Variants in CNTNAP4 observed in about 807,000 individuals in gnomAD.
CNTNAP4 encodes contactin-associated protein-like 4.
A neutral mutation model predicts 148.4 loss-of-function variants in CNTNAP4; 98 were observed. The ratio of observed to expected loss-of-function variants is 0.66; its 90% CI spans 0.56 to 0.78. The LOEUF is 0.78. Ranked by LOEUF, CNTNAP4 falls within the 30% of genes least tolerant of loss-of-function variation. The probability of loss-of-function intolerance (pLI) is 0.00; values close to 1 mark genes in which losing one functional copy is unlikely to be tolerated. For synonymous variants in CNTNAP4, 730 were observed against 565.1 expected, an observed-to-expected ratio of 1.29 and a Z score of -4.14; for missense variants, 1,935 against 1,565.6, an observed-to-expected ratio of 1.24 and a Z score of -3.98.
chr16:76,450,542 G>C (rs1413982785), intron 7 of CNTNAP4, among the ~76,000 whole-genome samples: 1 of 152,170 alleles, frequency 6.6e-6, no homozygotes, highest in Non-Finnish European at 1.5e-5. Context: ...ATGTATATTA[G>C]GGAGACATTT....
chr16:76,401,590 A>C (rs975584789), intron 3 of CNTNAP4, among the ~76,000 whole-genome samples: 4 of 151,954 alleles, frequency 2.6e-5, no homozygotes, highest in Admixed American at 2.6e-4. Flanking sequence ...GTTGAACGAG[A>C]GTGGTGAGAG....
At chr16:76,539,392 G>T (rs563975832) in intron 19 of CNTNAP4, among the ~76,000 whole-genome samples, 63 of 152,130 alleles carry the variant, frequency 4.1e-4, no homozygotes, top group African/African-American at 1.4e-3. Context: ...GCAATATTAA[G>T]CAATAGGTTG....
chr16:76,407,273 G>A (rs1334637814), intron 3 of CNTNAP4, among the ~76,000 whole-genome samples: 1 of 152,070 alleles, frequency 6.6e-6, no homozygotes, highest in Admixed American at 6.6e-5. Context: ...GCCTGCCTTG[G>A]CCTCCCAAAG....
intron 3 of CNTNAP4, among the ~76,000 whole-genome samples, chr16:76,398,715 C>A (rs1230367312): frequency 6.6e-6 from 1 of 152,146 alleles, no homozygotes; most frequent in South Asian, 2.1e-4. Flanking sequence ...TGTGCCAACA[C>A]ATGATACTAT....
chr16:76,441,100 T>C (rs1287034998), intron 4 of CNTNAP4, among the ~76,000 whole-genome samples: 1 of 152,120 alleles, frequency 6.6e-6, no homozygotes, highest in East Asian at 1.9e-4. Context: ...CTGCATGTCT[T>C]AGAAATCATT....
In CNTNAP4 at chr16:76,479,505, C is replaced by T. The variant is rs752774062; in HGVS notation, c.1849C>T (p.Leu617=). Residue 617 remains leucine (L), a synonymous_variant, in exon 12 of 24, where the codon CTG becomes TTG. Transcript: ENST00000611870. ...YYIDSDGSGP[L]EPFLLYCNMT... Reference sequence around the variant, plus strand: ...TATAGATTCAGATGGAAGTGGTCCCCTGGAACCATTTCTTCTATATTGCAA... The same window carrying T: ...TATAGATTCAGATGGAAGTGGTCCCTTGGAACCATTTCTTCTATATTGCAA... The T allele has an allele frequency of 6.2e-7, 1 of 1,610,286 alleles. No individual in the cohort carries two copies. The highest frequency in any genetic ancestry group is 1.1e-5 in the South Asian group (1 of 90,120).
intron 2 of CNTNAP4, among the ~76,000 whole-genome samples, chr16:76,346,894 G>A (rs1032400154): frequency 2.0e-5 from 3 of 152,082 alleles, no homozygotes; most frequent in African/African-American, 7.2e-5. Flanking sequence ...GTCCAGTCTG[G>A]CAATACAAGA....
At chr16:76,426,720 AT>A (rs760389207) in intron 3 of CNTNAP4, among the ~76,000 whole-genome samples, 7 of 151,448 alleles carry the variant, frequency 4.6e-5, no homozygotes, top group Non-Finnish European at 8.8e-5. Flanking sequence ...CACTGGAGGG[AT>A]TTTTTTTTCT....
At chr16:76,419,512 T>C (rs1443919154) in intron 3 of CNTNAP4, among the ~76,000 whole-genome samples, 1 of 152,014 alleles carries the variant, frequency 6.6e-6, no homozygotes, top group East Asian at 1.9e-4. Context: ...CTTCTCACTC[T>C]CATGCTAGTC....
intron 17 of CNTNAP4, among the ~76,000 whole-genome samples, chr16:76,522,508 C>T (rs2083494669): frequency 6.6e-6 from 1 of 152,052 alleles, no homozygotes; most frequent in Admixed American, 6.6e-5. Flanking sequence ...AAATTCATCT[C>T]ATAAATGAGA....
chr16:76,545,460 G>A lies in CNTNAP4; in HGVS notation c.3442+4670G>A, dbSNP rs114418808. On this transcript the variant is annotated intron_variant, in intron 21 of 23. Coordinates refer to ENST00000611870, the MANE Select transcript of CNTNAP4 (RefSeq NM_033401.5). ...CTTGGAAGTTGAGATTTTGTCATAA[G>A]CACGTATAGTCATAGGCAGGTGGTC... Among the ~76,000 whole-genome samples, 1,226 of 152,230 alleles carry A rather than the reference G, an allele frequency of 8.1e-3. 15 individuals are homozygous for A. The highest frequency in any genetic ancestry group is 0.028 in the African/African-American group (1,169 of 41,518).
At chr16:76,340,903 C>T (rs932488887) in intron 2 of CNTNAP4, among the ~76,000 whole-genome samples, 2 of 152,144 alleles carry the variant, frequency 1.3e-5, no homozygotes, top group Admixed American at 1.3e-4. Context: ...GCTAATTTTC[C>T]CTTCTCCACT....
At position 76,460,773 on chromosome 16, in the gene CNTNAP4, A is replaced by ATAAATATATAT; in HGVS notation, c.1334-1183_1334-1182insTAAATATATAT. On this transcript the variant is annotated intron_variant, in intron 8 of 23. Coordinates refer to ENST00000611870, the MANE Select transcript of CNTNAP4 (RefSeq NM_033401.5). ...TGTCTCAAAAAAAAAAAAAAAAAAA[A>ATAAATATATAT]ATATATATATATATATATATATTTA... Among the ~76,000 whole-genome samples, 60 of 57,330 alleles carry ATAAATATATAT rather than the reference A, an allele frequency of 1.0e-3. 4 individuals are homozygous for ATAAATATATAT. Among genetic ancestry groups the ATAAATATATAT allele is most frequent in the African/African-American group, 3.7e-3 (58 of 15,558 alleles). The allele number at this position is 57,330 out of a possible 152,430, so 37.6% of individuals were successfully genotyped here.
intron 8 of CNTNAP4, among the ~76,000 whole-genome samples, chr16:76,458,768 T>C (rs1182144190): frequency 6.6e-6 from 1 of 152,174 alleles, no homozygotes; most frequent in Non-Finnish European, 1.5e-5. Flanking sequence ...CTGGTATCGG[T>C]CCATGGCCCT....
intron 3 of CNTNAP4, among the ~76,000 whole-genome samples, chr16:76,366,127 T>G (rs2014093012): frequency 6.6e-6 from 1 of 152,192 alleles, no homozygotes; most frequent in African/African-American, 2.4e-5. Context: ...CGTGTCAAAT[T>G]ATAAAAAATT....
intron 1 of CNTNAP4, chr16:76,287,540 C>T (rs562850641): frequency 6.6e-6 from 1 of 152,286 alleles, no homozygotes; most frequent in South Asian, 2.1e-4. Flanking sequence ...ATCACTGAAA[C>T]ATTCTCTAGA....
chr16:76,456,434 A>G (rs1195397331), intron 8 of CNTNAP4, among the ~76,000 whole-genome samples: 3 of 152,234 alleles, frequency 2.0e-5, no homozygotes, highest in Non-Finnish European at 4.4e-5. Context: ...ACAGAACAAA[A>G]CAGTTGGTCA....
intron 2 of CNTNAP4, among the ~76,000 whole-genome samples, chr16:76,341,654 G>A (rs969033494): frequency 6.6e-6 from 1 of 152,134 alleles, no homozygotes; most frequent in African/African-American, 2.4e-5. Flanking sequence ...TCCATGAATA[G>A]ATATATGGGA....
chr16:76,482,159 A>G (rs2081857696), intron 12 of CNTNAP4, among the ~76,000 whole-genome samples: 1 of 152,076 alleles, frequency 6.6e-6, no homozygotes, highest in Non-Finnish European at 1.5e-5. Context: ...TGCATATTGT[A>G]CTTTATAAGA....
Sources: allele counts gnomAD v4.1 joint callset (sites outside exome capture counted in the v4.1 genomes callset), GRCh38; gene constraint gnomAD v4.1.1; transcripts MANE v1.5; gene names NCBI Gene and HGNC (gene_info 2026-07-23, HGNC 2026-07-21).